Variants in KLHL24 observed in about 807,000 individuals in gnomAD.
KLHL24 encodes kelch-like protein 24.
A neutral mutation model predicts 53.4 loss-of-function variants in KLHL24; 29 were observed. The ratio of observed to expected loss-of-function variants is 0.54; its 90% CI spans 0.40 to 0.74. The LOEUF (loss-of-function observed/expected upper bound fraction) is 0.74. KLHL24 is among the 30% of genes least tolerant of loss of function. KLHL24 has a pLI of 0.00. For synonymous variants in KLHL24, 222 were observed against 253.7 expected (o/e 0.88, Z 1.19); for missense variants, 504 against 744.0 (o/e 0.68, Z 3.75).
At chr3:183,657,971 G>A (rs1359437019) in intron 3 of KLHL24, among the ~76,000 whole-genome samples, 1 of 152,070 alleles carries the variant, frequency 6.6e-6, no homozygotes, top group Non-Finnish European at 1.5e-5. Context: ...CTAGCACTTT[G>A]GGAGGCCGAG....
chr3:183,670,876 AT>A (rs1324587043), intron 5 of KLHL24, among the ~76,000 whole-genome samples, 157 bp from the exon 6 acceptor site: 1 of 152,210 alleles, frequency 6.6e-6, no homozygotes, highest in Non-Finnish European at 1.5e-5. Context: ...GGGGATGATG[AT>A]TTTTTAAAAG....
At chr3:183,669,011 A>G (rs1720966496) in intron 5 of KLHL24, among the ~76,000 whole-genome samples, 1 of 152,210 alleles carries the variant, frequency 6.6e-6, no homozygotes, top group African/African-American at 2.4e-5. Flanking sequence ...TCACTTCCCA[A>G]GATTACACAA....
rs747528109 is a variant in KLHL24 at position 183,671,106 on chromosome 3, C to A, written c.1297C>A (p.Arg433=). The part of the protein sequence containing the change: ...SVECYDSFSN[R]WTEVAPLKEA... ...AGAATGTTATGATTCCTTTTCAAAT[C>A]GATGGACTGAAGTTGCTCCCCTTAA... Residue 433 remains arginine (R), a synonymous_variant, in exon 6 of 8, where the codon CGA becomes AGA. Transcript: ENST00000242810. 1 of 1,613,778 alleles carries A rather than the reference C, an allele frequency of 6.2e-7. No homozygotes were observed. Among genetic ancestry groups the A allele is most frequent in the African/African-American group, 1.3e-5 (1 of 74,854 alleles).
At chr3:183,660,336 G>A (rs962716304) in intron 3 of KLHL24, among the ~76,000 whole-genome samples, 1 of 151,924 alleles carries the variant, frequency 6.6e-6, no homozygotes, top group Non-Finnish European at 1.5e-5. Context: ...TCACTGTGTT[G>A]CTTAGGCTGG....
chr3:183,643,440 A>G (rs965797547), intron 1 of KLHL24, 40 bp from the exon 2 acceptor site: 2 of 152,240 alleles, frequency 1.3e-5, no homozygotes, highest in South Asian at 2.1e-4. Flanking sequence ...TGAACTGACA[A>G]CTATCTGATT....
At chr3:183,649,081 C>A (rs1296780933) in intron 2 of KLHL24, among the ~76,000 whole-genome samples, 2 of 151,772 alleles carry the variant, frequency 1.3e-5, no homozygotes, top group East Asian at 1.9e-4. Flanking sequence ...TACTGAAAGT[C>A]ATTTCTGAGG....
chr3:183,639,914 A>G (rs1289088675), intron 1 of KLHL24, among the ~76,000 whole-genome samples: 1 of 151,886 alleles, frequency 6.6e-6, no homozygotes, highest in Non-Finnish European at 1.5e-5. Context: ...AATCCCAGCT[A>G]CTCGGGAGGC....
intron 1 of KLHL24, among the ~76,000 whole-genome samples, chr3:183,640,894 C>T (rs1198710196): frequency 6.6e-6 from 1 of 151,902 alleles, no homozygotes; most frequent in Non-Finnish European, 1.5e-5. Context: ...GCCACCTCGG[C>T]CAGCCAGTTT....
At chr3:183,667,145 C>T (rs1373128889) in intron 5 of KLHL24, among the ~76,000 whole-genome samples, 2 of 152,162 alleles carry the variant, frequency 1.3e-5, no homozygotes, top group African/African-American at 4.8e-5. Context: ...CTAGGCCAGT[C>T]GTGGTGGCTC....
intron 7 of KLHL24, among the ~76,000 whole-genome samples, chr3:183,677,941 C>A (rs116702768): frequency 0.14 from 20,635 of 151,988 alleles, 1,779 homozygotes; most frequent in South Asian, 0.2. Context: ...ACAAGCACCC[C>A]CCACCACGTC....
intron 3 of KLHL24, among the ~76,000 whole-genome samples, chr3:183,658,778 AATTTTC>A (rs1719276188): frequency 6.6e-6 from 1 of 151,178 alleles, no homozygotes; most frequent in South Asian, 2.1e-4. Flanking sequence ...GGTATCTCAT[AATTTTC>A]ATTTACATTT....
At chr3:183,678,273 G>A (rs1712241275) in intron 7 of KLHL24, among the ~76,000 whole-genome samples, 4 of 152,158 alleles carry the variant, frequency 2.6e-5, no homozygotes, top group Admixed American at 2.6e-4. Flanking sequence ...ACAGTGTTTT[G>A]TTAACTTAGT....
At chr3:183,677,198 C>T (rs1712041345) in intron 7 of KLHL24, among the ~76,000 whole-genome samples, 1 of 151,892 alleles carries the variant, frequency 6.6e-6, no homozygotes, top group African/African-American at 2.4e-5. Context: ...TATTAATTAC[C>T]AGACCATGTA....
intron 1 of KLHL24, 175 bp from the exon 2 acceptor site, chr3:183,643,305 G>A (rs2108770395): frequency 6.6e-6 from 1 of 152,252 alleles, no homozygotes; most frequent in Non-Finnish European, 1.5e-5. Context: ...ATAGCATTAA[G>A]TTATTAATTT....
intron 3 of KLHL24, among the ~76,000 whole-genome samples, chr3:183,651,532 A>G (rs1718116094): frequency 6.6e-6 from 1 of 152,196 alleles, no homozygotes; most frequent in Non-Finnish European, 1.5e-5. Flanking sequence ...GCATATCTCA[A>G]CATATTTCTA....
At chr3:183,651,349 A>C in intron 3 of KLHL24, 73 bp downstream of exon 3, 31 of 1,056,838 alleles carry the variant, frequency 2.9e-5, no homozygotes, top group Non-Finnish European at 4.0e-5. Context: ...ATGCAATCTC[A>C]GTGTTGTCAT....
chr3:183,678,985 C>CT (rs1051438164), intron 7 of KLHL24, 101 bp from the exon 8 acceptor site: 182 of 897,396 alleles, frequency 2.0e-4, no homozygotes, highest in Non-Finnish European at 2.7e-4. Context: ...TCATGTCTCC[C>CT]TTTTTTTTGA....
chr3:183,663,430 T>A lies in KLHL24; in HGVS notation c.921-28T>A. ...TTTTAATGTAATATTATTATATTAT[T>A]TATGTACGCTAATAATTATTATTTT... On this transcript the variant is annotated intron_variant, in intron 3 of 7. Coordinates refer to ENST00000242810, the MANE Select transcript of KLHL24 (RefSeq NM_017644.3). The surrounding 1 kb of genome is among the most constrained non-coding windows in gnomAD (Gnocchi z 4.9). 2 of 1,188,940 alleles carry A rather than the reference T, an allele frequency of 1.7e-6. No individual in the cohort carries two copies. The highest frequency in any genetic ancestry group is 2.3e-6 in the Non-Finnish European group (2 of 870,406). The allele number at this position is 1,188,940 out of a possible 1,614,324, so 73.6% of individuals were successfully genotyped here.
intron 3 of KLHL24, among the ~76,000 whole-genome samples, chr3:183,660,481 A>G (rs992790313): frequency 3.3e-5 from 5 of 152,126 alleles, no homozygotes; most frequent in African/African-American, 9.7e-5. Flanking sequence ...ACCAGTTAGT[A>G]TATGGTGTCT....
Sources: gnomAD v4.1 joint callset for allele counts (sites outside exome capture counted in the v4.1 genomes callset) on GRCh38, gnomAD v4.1.1 for gene constraint, Gnocchi (gnomAD v3.1) non-coding constraint, MANE v1.5 for transcripts, NCBI Gene and HGNC (gene_info 2026-07-23, HGNC 2026-07-21) for gene names.